Variants in ODAD2 observed in about 807,000 individuals in gnomAD.
ODAD2 encodes the protein outer dynein arm docking complex subunit 2.
A neutral mutation model predicts 106.8 loss-of-function variants in ODAD2; 89 were observed. That is an observed-to-expected ratio of 0.83 (90% CI 0.70 to 0.99). ODAD2 has a LOEUF of 0.99. Among genes scored for constraint, ODAD2 ranks in the 50% least tolerant of loss-of-function variants. The pLI is 0.00. For synonymous variants in ODAD2, 404 were observed against 436.2 expected (o/e 0.93, Z 0.92); for missense variants, 1,168 against 1,238.5 (o/e 0.94, Z 0.85).
chr10:27,988,066 C>A lies in ODAD2; in HGVS notation c.225-523G>T, dbSNP rs1452073653. ...ATCCTCTCTGAATTCCTTTCCCACT[C>A]TAAACTTCTTTATTTGGTTTGCCTT... On this transcript the variant is annotated intron_variant, in intron 2 of 19. Coordinates refer to ENST00000305242, the MANE Select transcript of ODAD2 (RefSeq NM_018076.5). 2.7e-5 allele frequency among the ~76,000 whole-genome samples: 4 copies of A among 150,394 alleles called. No homozygotes were observed. The Admixed American group carries it at 2.7e-4, about 10-fold the overall frequency.
chr10:27,961,157 T>C (rs74366229), intron 10 of ODAD2, among the ~76,000 whole-genome samples: 13,123 of 152,068 alleles, frequency 0.086, 602 homozygotes, highest in East Asian at 0.2. Flanking sequence ...AATTTTATTC[T>C]ATGGGTTGAG....
intron 19 of ODAD2, among the ~76,000 whole-genome samples, chr10:27,849,691 C>A (rs1431544015): frequency 6.6e-6 from 1 of 152,104 alleles, no homozygotes; most frequent in East Asian, 1.9e-4. Flanking sequence ...GATGAGAATT[C>A]TTAATTCCTA....
chr10:27,974,795 A>C (rs1849089408), intron 7 of ODAD2, among the ~76,000 whole-genome samples: 1 of 150,232 alleles, frequency 6.7e-6, no homozygotes, highest in Admixed American at 6.7e-5. Context: ...TGGTAATTTG[A>C]TAGGAATAGC....
At chr10:27,844,107 C>G (rs1838523193) in intron 19 of ODAD2, among the ~76,000 whole-genome samples, 1 of 152,134 alleles carries the variant, frequency 6.6e-6, no homozygotes, top group African/African-American at 2.4e-5. Context: ...CCGAGGCAGA[C>G]AGACCACTTG....
rs192844182 is a variant in ODAD2, at chr10:27,956,866, C to A, written c.1386+4702G>T. 3.5e-3 allele frequency among the ~76,000 whole-genome samples: 535 copies of A among 152,270 alleles called. 6 individuals carry two copies. The highest frequency in any genetic ancestry group is 0.012 in the African/African-American group (498 of 41,550). On this transcript the variant is annotated intron_variant, in intron 10 of 19. Coordinates refer to ENST00000305242, the MANE Select transcript of ODAD2 (RefSeq NM_018076.5). Reference sequence around the variant, plus strand: ...TTTTACCCCACTCTACTGAAGAATACCCATTTGCATGAATTTATAACATAT... The same window carrying A: ...TTTTACCCCACTCTACTGAAGAATAACCATTTGCATGAATTTATAACATAT...
At chr10:27,933,600 T>C (rs1845753720) in intron 16 of ODAD2, among the ~76,000 whole-genome samples, 1 of 152,124 alleles carries the variant, frequency 6.6e-6, no homozygotes, top group Non-Finnish European at 1.5e-5. Flanking sequence ...AGGAAATGCA[T>C]TCAAAGAACA....
intron 17 of ODAD2, among the ~76,000 whole-genome samples, chr10:27,885,976 A>C (rs1156328516): frequency 7.0e-6 from 1 of 142,420 alleles, no homozygotes; most frequent in African/African-American, 2.6e-5. Flanking sequence ...AAATTGAAAA[A>C]TTCACTATAG....
chr10:27,856,267 G>A (rs548690659), intron 19 of ODAD2, among the ~76,000 whole-genome samples: 136 of 151,244 alleles, frequency 9.0e-4, no homozygotes, highest in Non-Finnish European at 1.4e-3. Flanking sequence ...CTGTATTGGA[G>A]GGGATTGATT....
At chr10:27,952,461 C>T (rs532931249) in intron 10 of ODAD2, among the ~76,000 whole-genome samples, 30 of 151,842 alleles carry the variant, frequency 2.0e-4, no homozygotes, top group East Asian at 1.2e-3. Context: ...CATAGGTAAA[C>T]GTGTGCCATG....
chr10:27,971,321 T>A lies in ODAD2; in HGVS notation c.937-8A>T. On this transcript the variant is annotated splice_region_variant and splice_polypyrimidine_tract_variant and intron_variant, in intron 7 of 19. Coordinates refer to ENST00000305242, the MANE Select transcript of ODAD2 (RefSeq NM_018076.5). ...TTCACTGAAGCTAATTCCCTTTATT[T>A]AAAAAATGAGAATAATTTTTAATGA... The A allele has an allele frequency of 2.5e-6, 4 of 1,577,618 alleles. No homozygotes were observed. The highest frequency in any genetic ancestry group is 3.4e-6 in the Non-Finnish European group (4 of 1,167,202).
chr10:27,904,730 C>G (rs2003191), intron 17 of ODAD2, among the ~76,000 whole-genome samples: 33,266 of 152,158 alleles, frequency 0.22, 4,529 homozygotes, highest in African/African-American at 0.38. Flanking sequence ...GCTATTCCGA[C>G]ATGTTTATTT....
chr10:27,855,035 T>C (rs1348794023), intron 19 of ODAD2, among the ~76,000 whole-genome samples: 1 of 152,168 alleles, frequency 6.6e-6, no homozygotes, highest in Non-Finnish European at 1.5e-5. Context: ...ACAGGGATTA[T>C]GTAAGGGTAC....
At chr10:27,997,567 T>C (rs1400693050) in intron 1 of ODAD2, 1 of 152,220 alleles carries the variant, frequency 6.6e-6, no homozygotes, top group Non-Finnish European at 1.5e-5. Flanking sequence ...AGATAAATTT[T>C]GACAGAAATG....
intron 9 of ODAD2, among the ~76,000 whole-genome samples, chr10:27,966,679 A>G (rs969958639): frequency 6.6e-6 from 1 of 152,252 alleles, no homozygotes; most frequent in African/African-American, 2.4e-5. Flanking sequence ...AAGATGTGAC[A>G]CAGAGAACCT....
chr10:27,984,238 G>A lies in ODAD2; in HGVS notation c.628C>T (p.Arg210Cys), dbSNP rs575332519. The change falls in exon 5 of 20, where the codon CGT (arginine) becomes TGT (cysteine). Residue 210 changes from arginine to cysteine, a missense_variant. By Grantham distance (180) the Arg-to-Cys change is radical. Coordinates refer to ENST00000305242, the MANE Select transcript of ODAD2 (RefSeq NM_018076.5). The part of the protein sequence containing the change: ...TVKKDIELLK[R>C]FSGKGNQTVL... ...GTTTGGTTTCCTTTTCCTGAGAAACGTTTGAGCAGTTCTATATCCTTCTTC... is the reference window on the plus strand; with the variant it reads ...GTTTGGTTTCCTTTTCCTGAGAAACATTTGAGCAGTTCTATATCCTTCTTC... 9.3e-6 allele frequency: 15 copies of A among 1,613,772 alleles called. No individual in the cohort carries two copies. Among genetic ancestry groups the A allele is most frequent in the African/African-American group, 5.3e-5 (4 of 75,038 alleles).
chr10:27,969,923 T>C (rs1365430575), intron 8 of ODAD2, among the ~76,000 whole-genome samples: 4 of 152,172 alleles, frequency 2.6e-5, no homozygotes, highest in Middle Eastern at 3.4e-3. Flanking sequence ...CTGGCCAACA[T>C]GGCAAAACGC....
At chr10:27,955,439 A>G (rs1446807210) in intron 10 of ODAD2, among the ~76,000 whole-genome samples, 1 of 152,124 alleles carries the variant, frequency 6.6e-6, no homozygotes, top group Non-Finnish European at 1.5e-5. Context: ...CCAAACAACC[A>G]GGCAATGTGC....
chr10:27,889,677 C>T (rs962628394), intron 17 of ODAD2, among the ~76,000 whole-genome samples: 2 of 152,178 alleles, frequency 1.3e-5, no homozygotes, highest in African/African-American at 2.4e-5. Flanking sequence ...CATGGACACT[C>T]CCATGGACTT....
chr10:27,883,698 A>C (rs992703372), intron 17 of ODAD2, among the ~76,000 whole-genome samples: 1 of 152,196 alleles, frequency 6.6e-6, no homozygotes, highest in Non-Finnish European at 1.5e-5. Context: ...TGCATCAATA[A>C]AGAGAATTAA....
Sources: gnomAD v4.1 joint callset for allele counts (sites outside exome capture counted in the v4.1 genomes callset) on GRCh38, gnomAD v4.1.1 for gene constraint, MANE v1.5 for transcripts, NCBI Gene and HGNC (gene_info 2026-07-23, HGNC 2026-07-21) for gene names.